The following CYP4F2 variants were observed in gnomAD, a reference collection of about 807,000 sequenced individuals.
The protein encoded by CYP4F2 is cytochrome P450 4F2.
A neutral mutation model predicts 58.9 loss-of-function variants in CYP4F2; 58 were observed. That is an observed-to-expected ratio of 0.98 (90% confidence interval 0.80 to 1.23). CYP4F2 has a LOEUF of 1.23. CYP4F2 is among the 50% of genes most tolerant of loss of function. The pLI is 0.00. For missense variants in CYP4F2, 616 were observed against 685.6 expected (o/e 0.90, Z 1.13); for synonymous variants, 287 against 261.1 (o/e 1.10, Z -0.95).
intron 3 of CYP4F2, 31 bp from the exon 4 acceptor site, chr19:15,892,613 G>A (rs1267558759): frequency 6.2e-7 from 1 of 1,606,588 alleles, no homozygotes; most frequent in Non-Finnish European, 8.5e-7. Flanking sequence ...CAGGGGCCAT[G>A]GAGGCAGGTG....
rs142113670 is a variant in CYP4F2 at position 15,879,413 on chromosome 19, G to C, written c.1330C>G (p.Arg444Gly). 13 of 1,614,060 alleles carry C rather than the reference G, an allele frequency of 8.1e-6. No homozygotes were observed. Among genetic ancestry groups the C allele is most frequent in the Non-Finnish European group, 1.0e-5 (12 of 1,180,036 alleles). ...WPDPEVYDPFRFDPENIKERS... is the reference protein window; with the variant it reads ...WPDPEVYDPFGFDPENIKERS... ...TCCTTGATGTTCTCTGGGTCAAAGC[G>C]AAAGGGGTCGTAGACCTGGAGGTGA... The change falls in exon 12 of 13, where the codon CGC becomes GGC. Residue 444 changes from arginine (R) to glycine (G), a missense_variant. Physicochemically the swap from Arg to Gly is moderately radical, Grantham distance 125. Coordinates refer to ENST00000221700, the MANE Select transcript of CYP4F2 (RefSeq NM_001082.5).
intron 3 of CYP4F2, 96 bp from the exon 4 acceptor site, chr19:15,892,678 C>G: frequency 6.5e-7 from 1 of 1,530,536 alleles, no homozygotes; most frequent in Non-Finnish European, 8.8e-7. Flanking sequence ...TGCACTTCTC[C>G]CACTCTGAGC....
At chr19:15,892,260 T>A (rs751527897) in intron 5 of CYP4F2, 49 bp downstream of exon 5, 2 of 1,612,258 alleles carry the variant, frequency 1.2e-6, no homozygotes, top group South Asian at 1.1e-5. Context: ...CTCTCTGTTG[T>A]CCTTTCACCC....
Position 15,890,751 on chromosome 19 carries a change from G to A in CYP4F2, c.526-318C>T, listed in dbSNP as rs539599258. Among the ~76,000 whole-genome samples the A allele has an allele frequency of 4.9e-4, 75 of 152,236 alleles. 1 individual carries two copies. Among genetic ancestry groups the A allele is most frequent in the Non-Finnish European group, 8.4e-4 (57 of 68,010 alleles). ...GAAACAGTTAAGATGATGTGCTTTG[G>A]AGCCATATAATTCACATTAGAAACT... On this transcript the variant is annotated intron_variant, in intron 5 of 12. Transcript: ENST00000221700.
At chr19:15,897,711 G>T in intron 1 of CYP4F2, 99 bp from the exon 2 acceptor site, 1 of 1,429,716 alleles carries the variant, frequency 7.0e-7, no homozygotes, top group Non-Finnish European at 9.5e-7. Context: ...CAGTGCCGGA[G>T]GTAGAGCAGG....
chr19:15,888,535 T>C (rs1267219332), intron 7 of CYP4F2, among the ~76,000 whole-genome samples: 1 of 148,336 alleles, frequency 6.7e-6, no homozygotes, highest in African/African-American at 2.5e-5. Flanking sequence ...CACACGCACA[T>C]AGACAAAGTC....
chr19:15,881,125 C>T (rs1205064738), intron 9 of CYP4F2, among the ~76,000 whole-genome samples: 1 of 152,106 alleles, frequency 6.6e-6, no homozygotes, highest in Non-Finnish European at 1.5e-5. Context: ...TATACAGCTA[C>T]ACAAAAGGAG....
At chr19:15,895,197 G>C (rs1280146412) in intron 3 of CYP4F2, among the ~76,000 whole-genome samples, 2 of 152,102 alleles carry the variant, frequency 1.3e-5, no homozygotes, top group Non-Finnish European at 2.9e-5. Flanking sequence ...GCCCTTTCCT[G>C]ATCCCATGAA....
chr19:15,883,435 C>G (rs2089356860), intron 9 of CYP4F2, among the ~76,000 whole-genome samples: 1 of 152,176 alleles, frequency 6.6e-6, no homozygotes, highest in Non-Finnish European at 1.5e-5. Context: ...GATATCATCT[C>G]ATCCCAGTTA....
intron 3 of CYP4F2, among the ~76,000 whole-genome samples, chr19:15,894,441 C>T (rs2089436638): frequency 6.6e-6 from 1 of 152,128 alleles, no homozygotes. Flanking sequence ...GCTTCTGGGA[C>T]TCATCGTTGA....
chr19:15,895,536 CG>C lies in CYP4F2; in HGVS notation c.312del (p.Asp105ThrfsTer34), dbSNP rs1347445586. On this transcript the variant is annotated frameshift_variant, in exon 3 of 13. Transcript: ENST00000221700. LOFTEE classifies it high-confidence loss of function. ...PISPLLSLCH[P>X]DIIRSVINAS... Reference sequence around the variant, plus strand: ...GCGTTGATGACAGACCGGATGATGTCGGGGTGGCACAAACTGAGGAGGGGGG... The same window carrying C: ...GCGTTGATGACAGACCGGATGATGTCGGGTGGCACAAACTGAGGAGGGGGG... 2.6e-6 allele frequency: 4 copies of C among 1,542,406 alleles called. No homozygotes were observed. The African/African-American group carries it at 5.7e-5, about 22-fold the overall frequency.
chr19:15,889,516 G>A lies in CYP4F2; in HGVS notation c.825C>T (p.Arg275=), dbSNP rs200007836. 2.9e-5 allele frequency: 47 copies of A among 1,614,166 alleles called. No individual in the cohort carries two copies. The Admixed American group carries it at 6.7e-4, about 23-fold the overall frequency. ...DFTDAVIQER[R]RTLPSQGVDD... is the part of the protein sequence containing the mutation. ...CAACACCCTGGCTAGGGAGAGTGCG[G>A]CGCCGCTCCTGGATGACGGCATCTG... Residue 275 remains arginine, a synonymous_variant, in exon 7 of 13, where the codon CGC becomes CGT. Coordinates refer to ENST00000221700, the MANE Select transcript of CYP4F2 (RefSeq NM_001082.5).
At chr19:15,897,844 A>AGAGG in intron 1 of CYP4F2, 182 bp downstream of exon 1, 1 of 505,644 alleles carries the variant, frequency 2.0e-6, no homozygotes, top group South Asian at 2.4e-5. Flanking sequence ...AGAGAGAGAG[A>AGAGG]CTGATTAAAG....
chr19:15,890,389 A>G lies in CYP4F2; in HGVS notation c.570T>C (p.Asp190=), dbSNP rs1294840236. 48 of 1,614,014 alleles carry G rather than the reference A, an allele frequency of 3.0e-5. No homozygotes were observed. Among genetic ancestry groups the G allele is most frequent in the Non-Finnish European group, 4.0e-5 (47 of 1,180,014 alleles). The stretch of plus-strand genomic sequence containing the variant: ...TCATGAGGCTGATGTGCTCAAACAT[A>G]TCCAAACAGGCACTACCCTCTGAGG... ...LLASEGSACL[D]MFEHISLMTL... The change falls in exon 6 of 13, where the codon GAT becomes GAC. Residue 190 remains aspartate (D), a synonymous_variant. Transcript: ENST00000221700.
At chr19:15,893,156 A>G (rs2089427025) in intron 3 of CYP4F2, among the ~76,000 whole-genome samples, 1 of 152,188 alleles carries the variant, frequency 6.6e-6, no homozygotes, top group African/African-American at 2.4e-5. Flanking sequence ...TGGTACCTTT[A>G]ATGTCACAGA....
At chr19:15,884,114 G>A (rs3093182) in intron 9 of CYP4F2, among the ~76,000 whole-genome samples, 74,512 of 151,514 alleles carry the variant, frequency 0.49, 18,352 homozygotes, top group South Asian at 0.54. Context: ...GAGGGAGGGA[G>A]GAAGGAAGGA....
chr19:15,879,073 T>A (rs1409863146), intron 12 of CYP4F2, 137 bp from the exon 13 acceptor site: 2 of 1,390,304 alleles, frequency 1.4e-6, no homozygotes, highest in African/African-American at 2.9e-5. Flanking sequence ...CGTGCCTGGA[T>A]CCCCATGCGG....
At chr19:15,880,983 T>A (rs992155322) in intron 9 of CYP4F2, among the ~76,000 whole-genome samples, 1 of 152,234 alleles carries the variant, frequency 6.6e-6, no homozygotes, top group Non-Finnish European at 1.5e-5. Context: ...GCAGAGATGC[T>A]TATACATGCA....
At chr19:15,881,845 T>C (rs1287557829) in intron 9 of CYP4F2, among the ~76,000 whole-genome samples, 1 of 150,584 alleles carries the variant, frequency 6.6e-6, no homozygotes, top group Non-Finnish European at 1.5e-5. Flanking sequence ...TGCCACAACA[T>C]GAAAGAACCT....
Sources: allele counts gnomAD v4.1 joint callset (sites outside exome capture counted in the v4.1 genomes callset), GRCh38; gene constraint gnomAD v4.1.1; transcripts MANE v1.5; gene names NCBI Gene and HGNC (gene_info 2026-07-23, HGNC 2026-07-21).